Variants in SZT2 observed in about 807,000 individuals in gnomAD.
SZT2 encodes SZT2 subunit of KICSTOR complex, also known as KICSTOR complex protein SZT2.
A neutral mutation model predicts 404.2 loss-of-function variants in SZT2; 216 were observed. That is an observed-to-expected ratio of 0.53 (90% CI 0.48 to 0.60). The LOEUF (loss-of-function observed/expected upper bound fraction) is 0.60, where lower values mean the gene tolerates loss of function less well. Ranked by LOEUF, SZT2 falls within the 20% of genes least tolerant of loss-of-function variation. SZT2 has a pLI of 0.00. For synonymous variants in SZT2, 1,693 were observed against 1,749.9 expected, an observed-to-expected ratio of 0.97 and a Z score of 0.81; for missense variants, 3,857 against 4,459.2, an observed-to-expected ratio of 0.86 and a Z score of 3.85.
intron 1 of SZT2, among the ~76,000 whole-genome samples, chr1:43,402,811 C>G (rs1371770485): frequency 6.6e-6 from 1 of 152,168 alleles, no homozygotes; most frequent in Non-Finnish European, 1.5e-5. Flanking sequence ...GTATTAGGGA[C>G]TTGTCCTGGT....
At chr1:43,391,141 C>T (rs1266937065) in intron 1 of SZT2, among the ~76,000 whole-genome samples, 1 of 152,140 alleles carries the variant, frequency 6.6e-6, no homozygotes, top group Non-Finnish European at 1.5e-5. Context: ...ATGGAGAAAG[C>T]CTGTCTGTAC....
chr1:43,420,476 T>C lies in SZT2; in HGVS notation c.1261+153T>C, dbSNP rs1318248099. ...GAATTGTCATCAGGGCTTAATTCTC[T>C]TAGCATGGAGCTTCCCAATTCTATC... is the stretch of plus-strand genomic sequence containing the variant. On this transcript the variant is annotated intron_variant, in intron 9 of 71. Coordinates refer to ENST00000634258, the MANE Select transcript of SZT2 (RefSeq NM_001365999.1). This position sits in a 1 kb window ranked among gnomAD's most constrained non-coding sequence, Gnocchi z 5.1. Among the ~76,000 whole-genome samples the C allele has an allele frequency of 3.3e-5, 5 of 152,234 alleles. No individual in the cohort carries two copies. Among genetic ancestry groups the C allele is most frequent in the Non-Finnish European group, 5.9e-5 (4 of 68,036 alleles).
In SZT2 at chr1:43,439,961, C is replaced by T. The variant is rs761487760; in HGVS notation, c.7123C>T (p.Arg2375Ter). 5.0e-6 allele frequency: 8 copies of T among 1,613,996 alleles called. No individual in the cohort carries two copies. Among genetic ancestry groups the T allele is most frequent in the East Asian group, 2.2e-5 (1 of 44,882 alleles). The change falls in exon 51 of 72, where the codon CGA (arginine) becomes TGA (stop). Residue 2375 changes from arginine to a stop codon, truncating the protein, a stop_gained. Coordinates refer to ENST00000634258, the MANE Select transcript of SZT2 (RefSeq NM_001365999.1). LOFTEE classifies it high-confidence loss of function. This position sits in a 1 kb window ranked among gnomAD's most constrained non-coding sequence, Gnocchi z 4.2. ...ISIVQLEEKLRGAARQALADA... is the reference protein window; with the variant it reads ...ISIVQLEEKL ...TATTGTGCAGCTGGAGGAGAAACTC[C>T]GAGGAGCAGCTCGCCAGGCCCTGGC...
rs550385567 is a variant in SZT2 at position 43,434,284 on chromosome 1, C to G, written c.5805-102C>G. 18 of 1,010,896 alleles carry G rather than the reference C, an allele frequency of 1.8e-5. No individual in the cohort carries two copies. The South Asian group carries it at 2.7e-4, about 15-fold the overall frequency. The allele number at this position is 1,010,896 out of a possible 1,614,324, so 62.6% of individuals were successfully genotyped here. On this transcript the variant is annotated intron_variant, in intron 40 of 71. Coordinates refer to ENST00000634258, the MANE Select transcript of SZT2 (RefSeq NM_001365999.1). Reference sequence around the variant, plus strand: ...GCCCCACCTCCATGACTTTCTCTCCCCCTCGTGATACGTATAACTGCAGTT... The same window carrying G: ...GCCCCACCTCCATGACTTTCTCTCCGCCTCGTGATACGTATAACTGCAGTT...
rs1409442730 is a variant in SZT2, at chr1:43,420,944, G to C, written c.1457G>C (p.Arg486Pro). 6.3e-7 allele frequency: 1 copy of C among 1,598,280 alleles called. No individual in the cohort carries two copies. Among genetic ancestry groups the C allele is most frequent in the African/African-American group, 1.3e-5 (1 of 74,894 alleles). Residue 486 changes from arginine to proline, a missense_variant, in exon 10 of 72, where the codon CGT becomes CCT. By Grantham distance (103) the Arg-to-Pro change is moderately radical. Around this residue, in one of 7 missense-constraint regions of SZT2, gnomAD observed 536 missense variants for 637.4 expected, o/e 0.84. Coordinates refer to ENST00000634258, the MANE Select transcript of SZT2 (RefSeq NM_001365999.1). This position sits in a 1 kb window ranked among gnomAD's most constrained non-coding sequence, Gnocchi z 5.1. The stretch of plus-strand genomic sequence containing the variant: ...AGGCAGCCCATTCGTTCATTGTATC[G>C]TACCCATGTTATCCGGCGTTTCTGG... ...ALRQPIRSLY[R>P]THVIRRFWNT...
rs1335585469 is a variant in SZT2 at position 43,404,499 on chromosome 1, C to G, written c.447C>G (p.Ile149Met). ...CTTGCATCGACTTCCAGCCTGAGAT[C>G]TATGTAACTATCCAGGCCTACTCCT... ...PGSCIDFQPE[I>M]YVTIQAYSSI... The change falls in exon 4 of 72, where the codon ATC becomes ATG. Residue 149 changes from isoleucine to methionine, a missense_variant. By Grantham distance (10) the Ile-to-Met change is conservative. This residue lies in a region of SZT2 where 536 missense variants were observed against 637.4 expected (regional missense o/e 0.84). Transcript: ENST00000634258. 1.9e-6 allele frequency: 3 copies of G among 1,613,864 alleles called. No homozygotes were observed. The African/African-American group carries it at 4.0e-5, about 22-fold the overall frequency.
intron 7 of SZT2, among the ~76,000 whole-genome samples, chr1:43,416,896 G>C (rs1177988424): frequency 6.6e-6 from 1 of 152,152 alleles, no homozygotes; most frequent in Non-Finnish European, 1.5e-5. Context: ...GTCATTTCCA[G>C]TCCCACCTCC....
rs1652173769 is a variant in SZT2, at chr1:43,420,160, G to A, written c.1098G>A (p.Gln366=). ...ALNPEYYCGS[Q]HRLFNEHLVS... The stretch of plus-strand genomic sequence containing the variant: ...TCTCCACTGGTCTTCCAGGCTCTCA[G>A]CACCGCCTATTTAATGAGCACCTGG... The change falls in exon 9 of 72, where the codon CAG becomes CAA. Residue 366 remains glutamine (Q), a synonymous_variant. Coordinates refer to ENST00000634258, the MANE Select transcript of SZT2 (RefSeq NM_001365999.1). This position sits in a 1 kb window ranked among gnomAD's most constrained non-coding sequence, Gnocchi z 5.1. 6.3e-7 allele frequency: 1 copy of A among 1,598,262 alleles called. No individual in the cohort carries two copies. Among genetic ancestry groups the A allele is most frequent in the Non-Finnish European group, 8.5e-7 (1 of 1,179,786 alleles).
chr1:43,423,704 G>A (rs1375336807), intron 15 of SZT2, among the ~76,000 whole-genome samples: 13 of 150,366 alleles, frequency 8.6e-5, no homozygotes, highest in Admixed American at 3.3e-4. Flanking sequence ...GCAGAAGGGC[G>A]TGGCTTAGCG....
At chr1:43,394,132 G>T in intron 1 of SZT2, 1 of 970,556 alleles carries the variant, frequency 1.0e-6, no homozygotes, top group Non-Finnish European at 1.2e-6. Flanking sequence ...AACTAATTCA[G>T]GGATTCTCAA....
Position 43,427,196 on chromosome 1 carries a change from T to A in SZT2, c.3433+17T>A, listed in dbSNP as rs542347308. 1.7e-5 allele frequency: 27 copies of A among 1,613,366 alleles called. No individual in the cohort carries two copies. In the South Asian group the frequency reaches 2.6e-4, roughly 16 times the overall value. ...CCTTCTCAGGTGCCAGCTGCTGACC[T>A]CCTCACGAACCCCCTCAGATACAAA... On this transcript the variant is annotated intron_variant, in intron 24 of 71. Coordinates refer to ENST00000634258, the MANE Select transcript of SZT2 (RefSeq NM_001365999.1).
chr1:43,429,132 C>T (rs888821435), intron 28 of SZT2: 1 of 155,130 alleles, frequency 6.4e-6, no homozygotes, highest in African/African-American at 2.4e-5. Flanking sequence ...TTTCTTCATT[C>T]ATGGTGAAAA....
chr1:43,440,228 G>C (rs1165805563), intron 51 of SZT2, among the ~76,000 whole-genome samples, 180 bp downstream of exon 51: 1 of 152,190 alleles, frequency 6.6e-6, no homozygotes, highest in Admixed American at 6.5e-5. Flanking sequence ...TGCTACACTG[G>C]CAGCAGTGAA....
rs775062766 is a variant in SZT2 at position 43,415,181 on chromosome 1, A to G, written c.598A>G (p.Met200Val). 1 of 1,598,102 alleles carries G rather than the reference A, an allele frequency of 6.3e-7. No individual in the cohort carries two copies. The highest frequency in any genetic ancestry group is 1.7e-5 in the Admixed American group (1 of 60,004). The change falls in exon 5 of 72, where the codon ATG becomes GTG. Residue 200 changes from methionine (M) to valine (V), a missense_variant. Coordinates refer to ENST00000634258, the MANE Select transcript of SZT2 (RefSeq NM_001365999.1). ...LCLFEDKVAT[M>V]LQQQYDPQSQ... is the part of the protein sequence containing the mutation. Reference sequence around the variant, plus strand: ...CCTCTTTGAGGATAAGGTGGCCACCATGCTGCAGCAGCAGTACGATCCCCA... The same window carrying G: ...CCTCTTTGAGGATAAGGTGGCCACCGTGCTGCAGCAGCAGTACGATCCCCA...
At chr1:43,413,403 A>G (rs1651312989) in intron 4 of SZT2, among the ~76,000 whole-genome samples, 1 of 152,162 alleles carries the variant, frequency 6.6e-6, no homozygotes, top group Non-Finnish European at 1.5e-5. Flanking sequence ...AAAACAAAAC[A>G]AAACTGAAAA....
rs955697366 is a variant in SZT2 at position 43,422,834 on chromosome 1, T to G, written c.1988T>G (p.Val663Gly). 1.0e-5 allele frequency: 16 copies of G among 1,593,830 alleles called. No homozygotes were observed. Among genetic ancestry groups the G allele is most frequent in the Non-Finnish European group, 1.4e-5 (16 of 1,177,916 alleles). Reference sequence around the variant, plus strand: ...ATCATTTCCAAGGCCCCATGCATGGTTCTTCGCCTGGGTTTTCCCATTGGC... The same window carrying G: ...ATCATTTCCAAGGCCCCATGCATGGGTCTTCGCCTGGGTTTTCCCATTGGC... The part of the protein sequence containing the change: ...VRIISKAPCM[V>G]LRLGFPIGTP... Residue 663 changes from valine to glycine, a missense_variant, in exon 14 of 72, where the codon GTT becomes GGT. Val to Gly is a moderately radical substitution (Grantham distance 109). Transcript: ENST00000634258.
At position 43,437,665 on chromosome 1, in the gene SZT2, C is replaced by T. The variant is rs550692594; in HGVS notation, c.6361C>T (p.Arg2121Ter). The change falls in exon 45 of 72, where the codon CGA (arginine) becomes TGA (stop). Residue 2121 changes from arginine to a stop codon, truncating the protein, a stop_gained. Transcript: ENST00000634258. LOFTEE classifies it high-confidence loss of function. This position sits in a 1 kb window ranked among gnomAD's most constrained non-coding sequence, Gnocchi z 5.3. ...DALPPSLALS[R>*]SQEPIYSEEA... ...GCTGCCCCCTTCCCTCGCTCTGTCC[C>T]GAAGCCAAGAGCCCATCTACTCTGA... 2.5e-6 allele frequency: 4 copies of T among 1,613,990 alleles called. No individual in the cohort carries two copies. The highest frequency in any genetic ancestry group is 2.5e-6 in the Non-Finnish European group (3 of 1,180,026).
At chr1:43,422,331 C>T in intron 12 of SZT2, 106 bp downstream of exon 12, 1 of 1,491,770 alleles carries the variant, frequency 6.7e-7, no homozygotes, top group Non-Finnish European at 8.9e-7. Flanking sequence ...CAACTGTGGC[C>T]AAGGAAAAAC....
At position 43,442,844 on chromosome 1, in the gene SZT2, C is replaced by G. The variant is rs145882968; in HGVS notation, c.8177C>G (p.Thr2726Ser). 3.2e-4 allele frequency: 516 copies of G among 1,609,430 alleles called. 3 individuals carry two copies. The highest frequency in any genetic ancestry group is 1.7e-3 in the Middle Eastern group (10 of 6,034). ...EKEPNPFLLP[T>S]MEVETLIRSA... ...GAGCCAAACCCATTCCTGCTGCCGA[C>G]CATGGAAGTGGAGACCCTCATCCGG... Residue 2726 changes from threonine (T) to serine (S), a missense_variant, in exon 59 of 72, where the codon ACC (threonine) becomes AGC (serine). Thr to Ser is a moderately conservative substitution (Grantham distance 58). Transcript: ENST00000634258. The surrounding 1 kb of genome is among the most constrained non-coding windows in gnomAD (Gnocchi z 4.5).
Sources: gnomAD v4.1 joint callset for allele counts (sites outside exome capture counted in the v4.1 genomes callset) on GRCh38, gnomAD v4.1.1 for gene constraint, gnomAD v4.1.1 regional missense constraint, Gnocchi (gnomAD v3.1) non-coding constraint, MANE v1.5 for transcripts, NCBI Gene and HGNC (gene_info 2026-07-23, HGNC 2026-07-21) for gene names.